Variants in MYO1C observed in about 807,000 individuals in gnomAD.
MYO1C encodes the protein unconventional myosin-Ic.
In MYO1C, 104 loss-of-function variants were observed where a neutral mutation model predicts 150.8. That is an observed-to-expected ratio of 0.69 (90% CI 0.59 to 0.81). MYO1C has a LOEUF of 0.81. MYO1C is among the 30% of genes least tolerant of loss of function. The pLI is 0.00. For missense variants in MYO1C, 1,504 were observed against 1,435.0 expected, an observed-to-expected ratio of 1.05 and a Z score of -0.78; for synonymous variants, 663 against 579.9, an observed-to-expected ratio of 1.14 and a Z score of -2.06.
chr17:1,488,089 G>A (rs2074687615), intron 1 of MYO1C, among the ~76,000 whole-genome samples: 1 of 152,224 alleles, frequency 6.6e-6, no homozygotes, highest in Admixed American at 6.5e-5. Context: ...TCGGGCCGGG[G>A]GCGTGGCAGG....
chr17:1,464,388 AG>A lies in MYO1C; in HGVS notation c.*1337del. On this transcript the variant is annotated 3_prime_UTR_variant, in exon 32 of 32. Coordinates refer to ENST00000648651, the MANE Select transcript of MYO1C (RefSeq NM_001080779.2). Reference sequence around the variant, plus strand: ...CCGTCCCCACGCTCCCATGCCAGGGAGGGGTCAGGGGCCAGAAAAGGCCCTA... The same window carrying A: ...CCGTCCCCACGCTCCCATGCCAGGGAGGGTCAGGGGCCAGAAAAGGCCCTA... The A allele has an allele frequency of 6.5e-6, 1 of 152,708 alleles. No homozygotes were observed. The highest frequency in any genetic ancestry group is 1.5e-5 in the Non-Finnish European group (1 of 68,076). 9.5% of individuals were successfully genotyped at this position (152,708 alleles called of 1,614,324 possible).
Position 1,482,617 on chromosome 17 carries a change from C to T in MYO1C, c.547-59G>A, listed in dbSNP as rs527455610. On this transcript the variant is annotated intron_variant, in intron 4 of 31. Transcript: ENST00000648651. ...CACTCTCCCCCTGCCCTCCCCACCC[C>T]GCCTTGTAGCTACTGCTGCCCCTCC... The T allele has an allele frequency of 2.8e-4, 389 of 1,395,988 alleles. 1 individual carries two copies. Among genetic ancestry groups the T allele is most frequent in the South Asian group, 6.0e-4 (51 of 84,804 alleles). The allele number at this position is 1,395,988 out of a possible 1,614,324, so 86.5% of individuals were successfully genotyped here.
At position 1,468,525 on chromosome 17, in the gene MYO1C, G is replaced by A. The variant is rs373028430; in HGVS notation, c.2611-29C>T. The A allele has an allele frequency of 6.8e-5, 108 of 1,582,150 alleles. No homozygotes were observed. The African/African-American group carries it at 1.1e-3, about 15-fold the overall frequency. ...AGGAGACAAGGGGGGTGAGGAGAGT[G>A]TCATGGTGGGGAGCACCATCTTGGG... is the stretch of plus-strand genomic sequence containing the variant. On this transcript the variant is annotated intron_variant, in intron 25 of 31. Coordinates refer to ENST00000648651, the MANE Select transcript of MYO1C (RefSeq NM_001080779.2).
At chr17:1,473,095 G>A (rs774583334) in intron 17 of MYO1C, among the ~76,000 whole-genome samples, 1 of 152,216 alleles carries the variant, frequency 6.6e-6, no homozygotes, top group African/African-American at 2.4e-5. Context: ...AGCTACTCGT[G>A]AGTGTGAAGT....
chr17:1,480,821 T>C lies in MYO1C; in HGVS notation c.692A>G (p.Asn231Ser). 1 of 1,614,178 alleles carries C rather than the reference T, an allele frequency of 6.2e-7. No homozygotes were observed. The highest frequency in any genetic ancestry group is 8.5e-7 in the Non-Finnish European group (1 of 1,180,026). ...GATGTGGAAGTTCCGCTCCCCATGA[T>C]TCTGGTGCACCACTCGTGACTTTTC... The part of the protein sequence containing the change: ...LLEKSRVVHQ[N>S]HGERNFHIFY... Residue 231 changes from asparagine to serine, a missense_variant, in exon 6 of 32, where the codon AAT becomes AGT. Asn to Ser is a conservative substitution (Grantham distance 46). Transcript: ENST00000648651.
chr17:1,484,775 G>A (rs932536425), intron 1 of MYO1C: 3 of 367,742 alleles, frequency 8.2e-6, no homozygotes, highest in Admixed American at 3.6e-5. Flanking sequence ...AGTTAGACCA[G>A]GTGACCTCAG....
chr17:1,479,780 A>G lies in MYO1C; in HGVS notation c.907-75T>C. The stretch of plus-strand genomic sequence containing the variant: ...CCAAGAGGGCAACTAGCAGATGGCC[A>G]TGCAGGGGTGGGTGGTGAAGTGTCG... On this transcript the variant is annotated intron_variant, in intron 7 of 31. Coordinates refer to ENST00000648651, the MANE Select transcript of MYO1C (RefSeq NM_001080779.2). The surrounding 1 kb of genome is among the most constrained non-coding windows in gnomAD (Gnocchi z 4.2). 9.9e-7 allele frequency: 1 copy of G among 1,007,984 alleles called. No homozygotes were observed. The highest frequency in any genetic ancestry group is 1.5e-6 in the Non-Finnish European group (1 of 657,200). 62.4% of individuals were successfully genotyped at this position (1,007,984 alleles called of 1,614,324 possible).
chr17:1,470,450 G>A lies in MYO1C; in HGVS notation c.2351C>T (p.Ala784Val). Reference sequence around the variant, plus strand: ...TGGCGCTCACCGCCGGATGGTCTGTGCCGCCCACTTCCTCTTGGCTGCCTT... The same window carrying A: ...TGGCGCTCACCGCCGGATGGTCTGTACCGCCCACTTCCTCTTGGCTGCCTT... ...RRKAAKRKWA[A>V]QTIRRLIRGF... Residue 784 changes from alanine to valine, a missense_variant, in exon 23 of 32, where the codon GCA becomes GTA. By Grantham distance (64) the Ala-to-Val change is moderately conservative. Transcript: ENST00000648651. The A allele has an allele frequency of 1.3e-6, 2 of 1,550,656 alleles. No individual in the cohort carries two copies. Among genetic ancestry groups the A allele is most frequent in the Non-Finnish European group, 1.7e-6 (2 of 1,147,092 alleles).
At chr17:1,475,078 CAAGCCCT>C in intron 14 of MYO1C, 46 bp from the exon 15 acceptor site, 1 of 1,539,568 alleles carries the variant, frequency 6.5e-7, no homozygotes, top group Non-Finnish European at 8.8e-7. Context: ...CGGCCTGAGC[CAAGCCCT>C]CTGCCTGCTG....
chr17:1,465,677 G>A lies in MYO1C; in HGVS notation c.*49C>T, dbSNP rs751636919. On this transcript the variant is annotated 3_prime_UTR_variant, in exon 32 of 32. Transcript: ENST00000648651. ...TCTTTGGTAACTGGGAAGGGGAGGA[G>A]GAGAAAAGCAAAGCATTGGGCGTTG... 6.8e-6 allele frequency: 9 copies of A among 1,327,936 alleles called. No homozygotes were observed. Among genetic ancestry groups the A allele is most frequent in the East Asian group, 2.8e-5 (1 of 35,740 alleles). 82.3% of individuals were successfully genotyped at this position (1,327,936 alleles called of 1,614,324 possible).
chr17:1,479,537 A>ACCCCCCGCCCCCCCCCCCCCCCGCCCC lies in MYO1C; in HGVS notation c.1021-36_1021-35insGGGGCGGGGGGGGGGGGGGGCGGGGGG. 1 of 1,470,828 alleles carries ACCCCCCGCCCCCCCCCCCCCCCGCCCC rather than the reference A, an allele frequency of 6.8e-7. No homozygotes were observed. The highest frequency in any genetic ancestry group is 9.3e-7 in the Non-Finnish European group (1 of 1,072,236). The allele number at this position is 1,470,828 out of a possible 1,614,324, so 91.1% of individuals were successfully genotyped here. On this transcript the variant is annotated intron_variant, in intron 8 of 31. Coordinates refer to ENST00000648651, the MANE Select transcript of MYO1C (RefSeq NM_001080779.2). The surrounding 1 kb of genome is among the most constrained non-coding windows in gnomAD (Gnocchi z 4.2). ...GCAGGCGAGGACACGGTGAGGGTGC[A>ACCCCCCGCCCCCCCCCCCCCCCGCCCC]CCCCCAGCCCCCGCCCCCGCCGTCC...
intron 25 of MYO1C, chr17:1,468,830 A>G (rs2074236446): frequency 4.6e-6 from 2 of 439,414 alleles, no homozygotes; most frequent in Admixed American, 3.5e-5. Flanking sequence ...CTAATACTCA[A>G]GGTTACTGGG....
At chr17:1,469,341 C>CA (rs796575093) in intron 25 of MYO1C, 190 bp downstream of exon 25, 8 of 638,156 alleles carry the variant, frequency 1.3e-5, no homozygotes, top group Admixed American at 4.4e-5. Flanking sequence ...ATACGGTAGG[C>CA]GGGGTAAATA....
At position 1,470,157 on chromosome 17, in the gene MYO1C, C is replaced by T; in HGVS notation, c.2526+18G>A. ...TGTACTATGATGGTCCCTAACTTGG[C>T]AGGGGGTGCCCACAGACCTCACGCA... On this transcript the variant is annotated intron_variant, in intron 24 of 31. Coordinates refer to ENST00000648651, the MANE Select transcript of MYO1C (RefSeq NM_001080779.2). 2 of 1,601,632 alleles carry T rather than the reference C, an allele frequency of 1.2e-6. No homozygotes were observed. The highest frequency in any genetic ancestry group is 2.2e-5 in the South Asian group (2 of 89,722).
Position 1,467,561 on chromosome 17 carries a change from T to G in MYO1C, c.2984A>C (p.Gln995Pro), listed in dbSNP as rs2074200968. 3 of 1,613,296 alleles carry G rather than the reference T, an allele frequency of 1.9e-6. No homozygotes were observed. The highest frequency in any genetic ancestry group is 2.5e-6 in the Non-Finnish European group (3 of 1,179,942). The stretch of plus-strand genomic sequence containing the variant: ...CAGCGTCTCAATCACGTGGTCACTC[T>G]GCAGCACCACATCTCCCTGGGGGGC... ...DNKQKGDVVL[Q>P]SDHVIETLTK... The change falls in exon 30 of 32, where the codon CAG becomes CCG. Residue 995 changes from glutamine (Q) to proline (P), a missense_variant. Physicochemically the swap from Gln to Pro is moderately conservative, Grantham distance 76. Transcript: ENST00000648651.
Position 1,478,107 on chromosome 17 carries a change from ACTC to A in MYO1C, c.1378_1380del (p.Glu460del). On this transcript the variant is annotated inframe_deletion, in exon 12 of 32. Coordinates refer to ENST00000648651, the MANE Select transcript of MYO1C (RefSeq NM_001080779.2). The surrounding 1 kb of genome is among the most constrained non-coding windows in gnomAD (Gnocchi z 6.3). Reference sequence around the variant, plus strand: ...CACACCGCGATGCCCTCTGCCTCGTACTCCTCCTGCTCCGACTTGAGCGTGAGC... The same window carrying A: ...CACACCGCGATGCCCTCTGCCTCGTACTCCTGCTCCGACTTGAGCGTGAGC... 5 of 1,613,760 alleles carry A rather than the reference ACTC, an allele frequency of 3.1e-6. No homozygotes were observed. The highest frequency in any genetic ancestry group is 4.2e-6 in the Non-Finnish European group (5 of 1,179,968).
rs916972505 is a variant in MYO1C at position 1,479,203 on chromosome 17, A to G, written c.1092+228T>C. ...AGATGGGGTTTCACCATGTTGGCCA[A>G]GATGGTCTCGAACTCCTGACCTCAG... On this transcript the variant is annotated intron_variant, in intron 9 of 31. Coordinates refer to ENST00000648651, the MANE Select transcript of MYO1C (RefSeq NM_001080779.2). The surrounding 1 kb of genome is among the most constrained non-coding windows in gnomAD (Gnocchi z 4.2). 6.0e-4 allele frequency among the ~76,000 whole-genome samples: 92 copies of G among 152,244 alleles called. 1 individual carries two copies. Among genetic ancestry groups the G allele is most frequent in the African/African-American group, 2.1e-3 (86 of 41,534 alleles).
chr17:1,485,123 A>G (rs554946089), intron 1 of MYO1C: 8 of 1,215,080 alleles, frequency 6.6e-6, no homozygotes, highest in Non-Finnish European at 8.4e-6. Context: ...GGGCTTTACC[A>G]TGGAAAGCCC....
chr17:1,477,644 G>T (rs2074426911), intron 13 of MYO1C, 48 bp from the exon 14 acceptor site: 2 of 1,448,852 alleles, frequency 1.4e-6, no homozygotes, highest in Non-Finnish European at 1.9e-6. Flanking sequence ...ACAGGTCAGA[G>T]CGCACAGAGG....
Sources: gnomAD v4.1 joint callset for allele counts (sites outside exome capture counted in the v4.1 genomes callset) on GRCh38, gnomAD v4.1.1 for gene constraint, Gnocchi (gnomAD v3.1) non-coding constraint, MANE v1.5 for transcripts, NCBI Gene and HGNC (gene_info 2026-07-23, HGNC 2026-07-21) for gene names.